ZBBX: variants seen among roughly 807,000 people sequenced by gnomAD.
The protein encoded by ZBBX is zinc finger B-box domain-containing protein 1.
In ZBBX, 101 loss-of-function variants were observed where a neutral mutation model predicts 108.5. That is an observed-to-expected ratio of 0.93 (90% confidence interval 0.79 to 1.10). The LOEUF (loss-of-function observed/expected upper bound fraction) is 1.10, where lower values mean the gene tolerates loss of function less well. ZBBX is among the 50% of genes least tolerant of loss of function. ZBBX has a pLI of 0.00. For missense variants in ZBBX, 1,009 were observed against 941.4 expected (o/e 1.07, Z -0.94); for synonymous variants, 356 against 323.4 (o/e 1.10, Z -1.08).
Position 167,247,037 on chromosome 3 carries a change from TG to T in ZBBX, c.2255-4395del, listed in dbSNP as rs1298347015. Among the ~76,000 whole-genome samples, 6 of 152,348 alleles carry T rather than the reference TG, an allele frequency of 3.9e-5. No individual in the cohort carries two copies. In the East Asian group the frequency reaches 1.2e-3, roughly 29 times the overall value. On this transcript the variant is annotated intron_variant, in intron 20 of 21. Transcript: ENST00000675490. Reference sequence around the variant, plus strand: ...TGCTGGATAGAGAAAGGCAGGTCCCTGGCTAAGGCTCCACACCACAGACCGA... The same window carrying T: ...TGCTGGATAGAGAAAGGCAGGTCCCTGCTAAGGCTCCACACCACAGACCGA...
intron 17 of ZBBX, among the ~76,000 whole-genome samples, chr3:167,301,288 C>G (rs938633137): frequency 6.6e-6 from 1 of 152,198 alleles, no homozygotes; most frequent in Non-Finnish European, 1.5e-5. Context: ...AGACTCTGAT[C>G]AGTTGAGAGT....
At chr3:167,359,788 T>G in intron 8 of ZBBX, 82 bp downstream of exon 8, 1 of 574,738 alleles carries the variant, frequency 1.7e-6, no homozygotes, top group Non-Finnish European at 2.7e-6. Context: ...GAGAGGTGTA[T>G]GAGGCCATGT....
intron 20 of ZBBX, among the ~76,000 whole-genome samples, chr3:167,280,064 G>T (rs1019338193): frequency 2.0e-5 from 3 of 151,934 alleles, no homozygotes; most frequent in African/African-American, 7.3e-5. Context: ...GCTGAAACTG[G>T]ATCCCTTCCT....
At chr3:167,204,272 G>C in the ZBBX span, among the ~76,000 whole-genome samples, 1 of 136,518 alleles carries the variant, frequency 7.3e-6, no homozygotes, top group Admixed American at 7.6e-5. Context: ...CTAAGTTTTA[G>C]GGTACATGTG....
At chr3:167,244,215 A>G (rs1721180071) in intron 20 of ZBBX, among the ~76,000 whole-genome samples, 1 of 151,946 alleles carries the variant, frequency 6.6e-6, no homozygotes, top group Non-Finnish European at 1.5e-5. Flanking sequence ...ATTGTAAATC[A>G]CTCTGTTCCA....
chr3:167,206,172 C>T, the ZBBX span, among the ~76,000 whole-genome samples: 1 of 151,974 alleles, frequency 6.6e-6, no homozygotes, highest in African/African-American at 2.4e-5. Flanking sequence ...GGCCACCATT[C>T]TATTATCCAT....
the ZBBX span, among the ~76,000 whole-genome samples, chr3:167,221,181 G>T: frequency 6.6e-6 from 1 of 151,670 alleles, no homozygotes; most frequent in Admixed American, 6.6e-5. Context: ...AAAATACCAA[G>T]ACATTTTTCA....
chr3:167,339,107 C>A (rs1740095165), intron 9 of ZBBX, among the ~76,000 whole-genome samples: 1 of 152,046 alleles, frequency 6.6e-6, no homozygotes, highest in Admixed American at 6.6e-5. Flanking sequence ...TGTATTAACT[C>A]CAGAGTGTTA....
Position 167,328,132 on chromosome 3 carries a change from C to A in ZBBX, c.688-16G>T. The A allele has an allele frequency of 6.3e-7, 1 of 1,589,412 alleles. No homozygotes were observed. Among genetic ancestry groups the A allele is most frequent in the Non-Finnish European group, 8.5e-7 (1 of 1,171,412 alleles). The stretch of plus-strand genomic sequence containing the variant: ...TAATTTCTACCTAATTAAAAGGATA[C>A]ATAGGCATGCTTTATTAAATTTTCT... On this transcript the variant is annotated splice_polypyrimidine_tract_variant and intron_variant, in intron 10 of 21. Coordinates refer to ENST00000675490, the MANE Select transcript of ZBBX (RefSeq NM_001199201.2).
chr3:167,220,720 C>T, the ZBBX span, among the ~76,000 whole-genome samples: 1 of 151,792 alleles, frequency 6.6e-6, no homozygotes, highest in Non-Finnish European at 1.5e-5. Context: ...TACTAGAAGT[C>T]CTAGCTAGAG....
intron 20 of ZBBX, among the ~76,000 whole-genome samples, chr3:167,249,805 A>T (rs955247638): frequency 1.3e-5 from 2 of 152,204 alleles, no homozygotes; most frequent in Non-Finnish European, 2.9e-5. Flanking sequence ...TCTTTCATAT[A>T]TAGCGTCAGA....
chr3:167,250,969 C>T (rs1160631087), intron 20 of ZBBX, among the ~76,000 whole-genome samples: 10 of 152,282 alleles, frequency 6.6e-5, no homozygotes, highest in Admixed American at 6.5e-4. Flanking sequence ...AAGAGCAGTA[C>T]ATCAGCGGAA....
chr3:167,191,595 C>A, the ZBBX span, among the ~76,000 whole-genome samples: 1 of 152,032 alleles, frequency 6.6e-6, no homozygotes, highest in Admixed American at 6.5e-5. Context: ...TGCCTGCCCC[C>A]ATCCACGTAA....
At chr3:167,295,756 TATAAA>T (rs1731581704) in intron 18 of ZBBX, among the ~76,000 whole-genome samples, 1 of 10,954 alleles carries the variant, frequency 9.1e-5, no homozygotes, top group Admixed American at 1.2e-3. Context: ...TATATATATA[TATAAA>T]AAAAACTAGT....
At chr3:167,381,024 T>A (rs1161456027), upstream of ZBBX, among the ~76,000 whole-genome samples, 1 of 152,112 alleles carries the variant, frequency 6.6e-6, no homozygotes, top group Non-Finnish European at 1.5e-5. Context: ...GCAAGTAGGA[T>A]GTGTGGTTGG....
chr3:167,372,729 C>A (rs759676980), intron 4 of ZBBX, 105 bp downstream of exon 4: 17 of 570,482 alleles, frequency 3.0e-5, no homozygotes, highest in Non-Finnish European at 5.3e-5. Flanking sequence ...GATAAAAATA[C>A]AGGAATGTGA....
At chr3:167,326,910 T>A (rs1243821151) in intron 11 of ZBBX, among the ~76,000 whole-genome samples, 15 of 151,550 alleles carry the variant, frequency 9.9e-5, no homozygotes, top group Non-Finnish European at 2.1e-4. Context: ...GGAAAAAAAA[T>A]GAAATAAAAA....
At chr3:167,207,770 TA>T in the ZBBX span, among the ~76,000 whole-genome samples, 11 of 152,010 alleles carry the variant, frequency 7.2e-5, no homozygotes, top group Admixed American at 6.6e-5. Flanking sequence ...GGTAGCCAAA[TA>T]GAGGTTTTCA....
At chr3:167,221,526 A>T in the ZBBX span, among the ~76,000 whole-genome samples, 4 of 151,986 alleles carry the variant, frequency 2.6e-5, no homozygotes, top group African/African-American at 7.2e-5. Context: ...ATCAAAATGA[A>T]ATAAAGACTT....
Sources: allele counts gnomAD v4.1 joint callset (sites outside exome capture counted in the v4.1 genomes callset), GRCh38; gene constraint gnomAD v4.1.1; transcripts MANE v1.5; gene names NCBI Gene and HGNC (gene_info 2026-07-23, HGNC 2026-07-21).